CAST: variants seen among roughly 807,000 people sequenced by gnomAD.
The protein encoded by CAST is MIR583 host.
CAST carries 76 observed loss-of-function variants against 119.6 expected under a neutral mutation model. The ratio of observed to expected loss-of-function variants is 0.64; its 90% CI spans 0.53 to 0.77. The LOEUF (loss-of-function observed/expected upper bound fraction) is 0.77. Among genes scored for constraint, CAST ranks in the 30% least tolerant of loss-of-function variants. The pLI is 0.00. For synonymous variants in CAST, 319 were observed against 331.6 expected, an observed-to-expected ratio of 0.96 and a Z score of 0.41; for missense variants, 953 against 946.5, an observed-to-expected ratio of 1.01 and a Z score of -0.09.
At chr5:96,765,081 C>T in intron 25 of CAST, 140 bp from the exon 26 acceptor site, 1 of 651,210 alleles carries the variant, frequency 1.5e-6, no homozygotes. Flanking sequence ...CTGACCCTGT[C>T]TACTCCCCTG....
At chr5:96,767,722 A>G (rs1409437793) in intron 28 of CAST, among the ~76,000 whole-genome samples, 185 bp from the exon 29 acceptor site, 2 of 152,182 alleles carry the variant, frequency 1.3e-5, no homozygotes, top group African/African-American at 2.4e-5. Context: ...GAGTAGATGG[A>G]AAAAAAGCCA....
the CAST span, among the ~76,000 whole-genome samples, chr5:96,373,051 G>A: frequency 1.3e-5 from 2 of 152,018 alleles, no homozygotes; most frequent in African/African-American, 2.4e-5. Flanking sequence ...AGAATCCTTA[G>A]CATCTACTTG....
intron 1 of CAST, among the ~76,000 whole-genome samples, chr5:96,633,242 G>T (rs1747844557): frequency 6.6e-6 from 1 of 152,140 alleles, no homozygotes; most frequent in Non-Finnish European, 1.5e-5. Context: ...CTCCCAAAGT[G>T]CAGGGATTAC....
At chr5:96,023,991 G>A in the CAST span, among the ~76,000 whole-genome samples, 2 of 152,074 alleles carry the variant, frequency 1.3e-5, no homozygotes, top group African/African-American at 4.8e-5. Context: ...CTTTATTTCA[G>A]AGTAAGTTCA....
chr5:96,297,182 TAAAG>T, the CAST span, among the ~76,000 whole-genome samples: 1 of 152,202 alleles, frequency 6.6e-6, no homozygotes, highest in Non-Finnish European at 1.5e-5. Context: ...TAGCATTTGA[TAAAG>T]AGTCAGAATT....
chr5:96,506,283 A>G, the CAST span, among the ~76,000 whole-genome samples: 2 of 152,164 alleles, frequency 1.3e-5, no homozygotes, highest in African/African-American at 4.8e-5. Context: ...TCATTTGTTC[A>G]ATCTTTTGCA....
chr5:96,238,301 TTTCTTCTTCTTC>T, the CAST span, among the ~76,000 whole-genome samples: 7 of 94,888 alleles, frequency 7.4e-5, no homozygotes, highest in South Asian at 4.4e-4. Flanking sequence ...TGCAAATCTG[TTTCTTCTTCTTC>T]TTCTTCTTCT....
the CAST span, among the ~76,000 whole-genome samples, chr5:96,362,248 G>A: frequency 4.6e-5 from 7 of 152,156 alleles, no homozygotes; most frequent in African/African-American, 1.7e-4. Context: ...GGACATTTGG[G>A]TTGGTTCCAA....
intron 1 of CAST, among the ~76,000 whole-genome samples, chr5:96,666,854 G>A (rs115423871): frequency 6.6e-6 from 1 of 152,186 alleles, no homozygotes; most frequent in Non-Finnish European, 1.5e-5. Context: ...GAGATTCCAT[G>A]TGGATAGGTG....
intron 1 of CAST, among the ~76,000 whole-genome samples, chr5:96,601,594 A>G (rs901418497): frequency 2.0e-4 from 31 of 152,212 alleles, no homozygotes; most frequent in Non-Finnish European, 4.6e-4. Context: ...CAGTGAAAGT[A>G]CCGATTTCAG....
chr5:96,245,503 T>A, the CAST span, among the ~76,000 whole-genome samples: 1 of 152,124 alleles, frequency 6.6e-6, no homozygotes. Flanking sequence ...CTCTCCCTGT[T>A]AAGCAATAGA....
At chr5:96,042,563 T>C in the CAST span, among the ~76,000 whole-genome samples, 1 of 152,216 alleles carries the variant, frequency 6.6e-6, no homozygotes, top group East Asian at 1.9e-4. Context: ...TTCGATATGA[T>C]TAATTATTAT....
chr5:96,487,961 T>C, the CAST span, among the ~76,000 whole-genome samples: 1 of 152,202 alleles, frequency 6.6e-6, no homozygotes, highest in African/African-American at 2.4e-5. Context: ...CACTAACCGT[T>C]AATAACCTCC....
chr5:96,460,701 G>C, the CAST span, among the ~76,000 whole-genome samples: 2 of 152,024 alleles, frequency 1.3e-5, no homozygotes, highest in Non-Finnish European at 2.9e-5. Context: ...GCATAAAGTA[G>C]CTGCATATTT....
chr5:96,041,890 T>G, the CAST span, among the ~76,000 whole-genome samples: 5 of 152,072 alleles, frequency 3.3e-5, no homozygotes, highest in African/African-American at 1.2e-4. Flanking sequence ...GCCTCACCCT[T>G]TAGTTCCAGA....
At chr5:96,363,697 C>A in the CAST span, among the ~76,000 whole-genome samples, 1 of 152,134 alleles carries the variant, frequency 6.6e-6, no homozygotes, top group South Asian at 2.1e-4. Flanking sequence ...TATCCTGAGA[C>A]TTTGCTGAAG....
chr5:95,963,298 C>T, the CAST span, among the ~76,000 whole-genome samples: 1 of 152,160 alleles, frequency 6.6e-6, no homozygotes, highest in South Asian at 2.1e-4. Flanking sequence ...CCAATAAATG[C>T]CTTCCCCACC....
chr5:96,524,597 C>A (rs1745570202), upstream of CAST, among the ~76,000 whole-genome samples: 1 of 152,158 alleles, frequency 6.6e-6, no homozygotes, highest in Admixed American at 6.5e-5. Flanking sequence ...CATCTCCCAA[C>A]CTTGGAAATG....
At chr5:96,680,384 A>AAAAAAAC in intron 2 of CAST, among the ~76,000 whole-genome samples, 1 of 90,576 alleles carries the variant, frequency 1.1e-5, no homozygotes, top group Non-Finnish European at 2.1e-5. Context: ...AAAAAAGAAG[A>AAAAAAAC]AGAAGAAAAG....
Sources: allele counts gnomAD v4.1 joint callset (sites outside exome capture counted in the v4.1 genomes callset), GRCh38; gene constraint gnomAD v4.1.1; transcripts MANE v1.5; gene names NCBI Gene and HGNC (gene_info 2026-07-23, HGNC 2026-07-21).